The following SUN1 variants were observed in gnomAD, a reference collection of about 807,000 sequenced individuals.
The protein encoded by SUN1 is SUN domain-containing protein 1.
Under a neutral mutation model 103.2 loss-of-function variants are expected in SUN1, and 61 were observed. That is an observed-to-expected ratio of 0.59 (90% CI 0.48 to 0.73). The LOEUF (loss-of-function observed/expected upper bound fraction) is 0.73. Ranked by LOEUF, SUN1 falls within the 30% of genes least tolerant of loss-of-function variation. SUN1 has a pLI of 0.00. For synonymous variants in SUN1, 490 were observed against 425.7 expected, an observed-to-expected ratio of 1.15 and a Z score of -1.86; for missense variants, 1,052 against 1,034.6, an observed-to-expected ratio of 1.02 and a Z score of -0.23.
chr7:825,709 C>G (rs779573056), intron 1 of SUN1, among the ~76,000 whole-genome samples: 2 of 152,098 alleles, frequency 1.3e-5, no homozygotes, highest in African/African-American at 2.4e-5. Flanking sequence ...AGATGCAATG[C>G]CAATTCTTGT....
chr7:815,893 G>A, upstream of SUN1: 1 of 227,318 alleles, frequency 4.4e-6, no homozygotes, highest in Middle Eastern at 1.4e-3. Flanking sequence ...GGCCAGCAAT[G>A]GGAGACGTGC....
chr7:836,943 C>T (rs1307038159), intron 1 of SUN1, among the ~76,000 whole-genome samples: 1 of 152,250 alleles, frequency 6.6e-6, no homozygotes, highest in Middle Eastern at 3.4e-3. Flanking sequence ...TGACGTCAGA[C>T]GTGGGGCGGA....
intron 5 of SUN1, chr7:843,999 C>T (rs1812699267): frequency 1.0e-5 from 6 of 591,630 alleles, no homozygotes; most frequent in Non-Finnish European, 4.4e-6. Context: ...ACCTGTAGGT[C>T]TGGGAAGGAC....
In SUN1 at chr7:854,919, G is replaced by C; in HGVS notation, c.1264-1G>C. On this transcript the variant is annotated splice_acceptor_variant, in intron 10 of 18. Transcript: ENST00000401592. LOFTEE classifies it high-confidence loss of function. ...TTTGTTCACTCCTTCTCTTTCCTAAGACTGACTTTATGGCCTTTCACCAAG... is the reference window on the plus strand; with the variant it reads ...TTTGTTCACTCCTTCTCTTTCCTAACACTGACTTTATGGCCTTTCACCAAG... The C allele has an allele frequency of 6.2e-7, 1 of 1,611,236 alleles. No homozygotes were observed. The highest frequency in any genetic ancestry group is 8.5e-7 in the Non-Finnish European group (1 of 1,178,658).
rs1260211990 is a variant in SUN1, at chr7:869,332, G to GT, written c.1981-12dup. On this transcript the variant is annotated splice_polypyrimidine_tract_variant and intron_variant, in intron 16 of 18. Coordinates refer to ENST00000401592, the MANE Select transcript of SUN1 (RefSeq NM_001130965.3). ...GCATGCTCACACTCTGAGTCCTCAT[G>GT]TTTTTCCTTTCCCCAGCCTGACATT... 2 of 1,611,374 alleles carry GT rather than the reference G, an allele frequency of 1.2e-6. No homozygotes were observed. Among genetic ancestry groups the GT allele is most frequent in the Non-Finnish European group, 1.7e-6 (2 of 1,178,498 alleles).
chr7:852,940 G>T lies in SUN1; in HGVS notation c.1041G>T (p.Lys347Asn). 6.2e-7 allele frequency: 1 copy of T among 1,612,684 alleles called. No homozygotes were observed. The highest frequency in any genetic ancestry group is 8.5e-7 in the Non-Finnish European group (1 of 1,179,516). The change falls in exon 9 of 19, where the codon AAG becomes AAT. Residue 347 changes from lysine (K) to asparagine (N), a missense_variant. Transcript: ENST00000401592. ...DVFKPTTSRL[K>N]QPLQGDSEAF... ...TTAAACCCACGACTTCTCGCCTGAA[G>T]CAGCCTCTGCAGGTAAGAGGGTAGA...
intron 5 of SUN1, chr7:848,709 G>C: frequency 1.2e-6 from 1 of 836,272 alleles, no homozygotes; most frequent in South Asian, 1.6e-5. Flanking sequence ...CTCCCTCGCT[G>C]CCTCCTCCTG....
chr7:861,236 C>A, intron 14 of SUN1, 144 bp from the exon 15 acceptor site: 1 of 774,974 alleles, frequency 1.3e-6, no homozygotes, highest in Non-Finnish European at 2.1e-6. Flanking sequence ...GTGGAGTTGA[C>A]TTCTGCCATG....
rs146099627 is a variant in SUN1 at position 874,443 on chromosome 7, G to C, written c.*1112G>C. On this transcript the variant is annotated 3_prime_UTR_variant, in exon 19 of 19. Transcript: ENST00000401592. ...AAGTGTTACAGATGTTTTACCTTAA[G>C]AATTATTTAAGTTGTGTTGGGTTAA... The C allele has an allele frequency of 6.6e-6, 1 of 152,580 alleles. No homozygotes were observed. The highest frequency in any genetic ancestry group is 2.4e-5 in the African/African-American group (1 of 41,396). 9.5% of individuals were successfully genotyped at this position (152,580 alleles called of 1,614,324 possible).
At chr7:818,311 C>G (rs1338447087) in intron 1 of SUN1, among the ~76,000 whole-genome samples, 2 of 152,214 alleles carry the variant, frequency 1.3e-5, no homozygotes, top group African/African-American at 4.8e-5. Flanking sequence ...TGTGTCTGGC[C>G]TCTTTCACTT....
rs1226745131 is a variant in SUN1, at chr7:851,335, G to A, written c.659-49G>A. 7.3e-6 allele frequency: 11 copies of A among 1,514,254 alleles called. No individual in the cohort carries two copies. In the South Asian group the frequency reaches 1.3e-4, roughly 18 times the overall value. The allele number at this position is 1,514,254 out of a possible 1,614,324, so 93.8% of individuals were successfully genotyped here. On this transcript the variant is annotated intron_variant, in intron 5 of 18. Transcript: ENST00000401592. ...GTCCCCACCGTGCTGTCACTGCAGA[G>A]GCTGGTCCCTGGCGTCTGTCTGAGG... is the stretch of plus-strand genomic sequence containing the variant.
intron 7 of SUN1, 56 bp from the exon 8 acceptor site, chr7:852,553 T>C: frequency 6.2e-7 from 1 of 1,606,864 alleles, no homozygotes; most frequent in Non-Finnish European, 8.5e-7. Context: ...GAAAACAGAT[T>C]GGTGAACCCT....
At chr7:821,596 A>C (rs1786084753) in intron 1 of SUN1, among the ~76,000 whole-genome samples, 1 of 152,220 alleles carries the variant, frequency 6.6e-6, no homozygotes, top group Admixed American at 6.5e-5. Flanking sequence ...TTCTGAAAAT[A>C]AATCCAATTC....
upstream of SUN1, among the ~76,000 whole-genome samples, chr7:830,208 C>A (rs1383414018): frequency 2.6e-5 from 4 of 152,174 alleles, no homozygotes; most frequent in African/African-American, 9.7e-5. Flanking sequence ...TGTGGGAGAG[C>A]GCAGAGCACC....
At chr7:855,358 G>A (rs369013311) in intron 11 of SUN1, among the ~76,000 whole-genome samples, 2 of 152,216 alleles carry the variant, frequency 1.3e-5, no homozygotes, top group South Asian at 2.1e-4. Flanking sequence ...GTCTTCAGAG[G>A]GGGGATAAAG....
intron 1 of SUN1, among the ~76,000 whole-genome samples, chr7:834,002 G>A (rs538169309): frequency 6.6e-6 from 1 of 152,290 alleles, no homozygotes; most frequent in South Asian, 2.1e-4. Flanking sequence ...TGAGACCTGT[G>A]GGCAGACCTC....
At chr7:843,137 G>A in intron 3 of SUN1, 69 bp from the exon 4 acceptor site, 1 of 1,590,526 alleles carries the variant, frequency 6.3e-7, no homozygotes, top group Non-Finnish European at 8.5e-7. Flanking sequence ...TTTTTAATGG[G>A]TTTTGTTCTT....
chr7:836,926 G>A (rs1382149860), intron 1 of SUN1, among the ~76,000 whole-genome samples: 2 of 152,218 alleles, frequency 1.3e-5, no homozygotes, highest in Non-Finnish European at 2.9e-5. Flanking sequence ...TGGAGGGAAG[G>A]AGGTGGTGAC....
chr7:851,346 G>A, intron 5 of SUN1, 38 bp from the exon 6 acceptor site: 1 of 1,539,744 alleles, frequency 6.5e-7, no homozygotes, highest in Non-Finnish European at 8.8e-7. Flanking sequence ...GCTGGTCCCT[G>A]GCGTCTGTCT....
Sources: gnomAD v4.1 joint callset for allele counts (sites outside exome capture counted in the v4.1 genomes callset) on GRCh38, gnomAD v4.1.1 for gene constraint, MANE v1.5 for transcripts, NCBI Gene and HGNC (gene_info 2026-07-23, HGNC 2026-07-21) for gene names.